Variants in PLB1 observed in about 807,000 individuals in gnomAD.
The protein encoded by PLB1 is phospholipase B1.
Under a neutral mutation model 227.4 loss-of-function variants are expected in PLB1, and 242 were observed. The ratio of observed to expected loss-of-function variants is 1.06; its 90% confidence interval spans 0.96 to 1.18. The LOEUF (loss-of-function observed/expected upper bound fraction) is 1.18. Among genes scored for constraint, PLB1 ranks in the 50% most tolerant of loss-of-function variants. The pLI, the probability that PLB1 is intolerant of heterozygous loss-of-function variation, is 0.00. For missense variants in PLB1, 1,858 were observed against 1,816.3 expected, an observed-to-expected ratio of 1.02 and a Z score of -0.42; for synonymous variants, 757 against 682.2, an observed-to-expected ratio of 1.11 and a Z score of -1.71.
intron 1 of PLB1, among the ~76,000 whole-genome samples, chr2:28,512,299 A>G (rs1044658031): frequency 6.6e-6 from 1 of 152,080 alleles, no homozygotes; most frequent in Non-Finnish European, 1.5e-5. Flanking sequence ...CATTTCAGTT[A>G]GTGTACTTCT....
At chr2:28,530,502 T>C (rs1397009603) in intron 8 of PLB1, among the ~76,000 whole-genome samples, 2 of 152,264 alleles carry the variant, frequency 1.3e-5, no homozygotes, top group African/African-American at 4.8e-5. Flanking sequence ...ATTGCTGTTA[T>C]TAATAATTAC....
At chr2:28,593,317 A>C (rs1171584964) in intron 32 of PLB1, among the ~76,000 whole-genome samples, 1 of 152,238 alleles carries the variant, frequency 6.6e-6, no homozygotes, top group Non-Finnish European at 1.5e-5. Context: ...CTCTCTCTTC[A>C]TGCTCATAAA....
At position 28,598,716 on chromosome 2, in the gene PLB1, C is replaced by T. The variant is rs780586837; in HGVS notation, c.2430C>T (p.Asp810=). ...GYAVGTGDAN[D]TNAFLNQAVP... is the part of the protein sequence containing the mutation. ...CCGTGGGCACGGGTGATGCCAATGA[C>T]ACGAATGCATTCCTCAATCAAGCTG... The change falls in exon 35 of 58, where the codon GAC becomes GAT. Residue 810 remains aspartate, a synonymous_variant. Coordinates refer to ENST00000327757, the MANE Select transcript of PLB1 (RefSeq NM_153021.5). 1.9e-6 allele frequency: 3 copies of T among 1,614,218 alleles called. No homozygotes were observed. The highest frequency in any genetic ancestry group is 2.5e-6 in the Non-Finnish European group (3 of 1,180,022).
In PLB1 at chr2:28,632,108, T is replaced by G; in HGVS notation, c.3970T>G (p.Phe1324Val). 2 of 1,614,122 alleles carry G rather than the reference T, an allele frequency of 1.2e-6. No individual in the cohort carries two copies. The highest frequency in any genetic ancestry group is 1.7e-6 in the Non-Finnish European group (2 of 1,179,958). The change falls in exon 55 of 58, where the codon TTC (phenylalanine) becomes GTC (valine). Residue 1324 changes from phenylalanine to valine, a missense_variant. Transcript: ENST00000327757. ...REDFAVVVQP[F>V]FQNTLTPLNE... Reference sequence around the variant, plus strand: ...GGACTTTGCGGTTGTGGTGCAGCCTTTCTTCCAAAACACACTCACCCCACT... The same window carrying G: ...GGACTTTGCGGTTGTGGTGCAGCCTGTCTTCCAAAACACACTCACCCCACT...
intron 18 of PLB1, among the ~76,000 whole-genome samples, chr2:28,564,505 G>A (rs752652547): frequency 3.9e-5 from 6 of 152,178 alleles, no homozygotes; most frequent in Non-Finnish European, 7.4e-5. Flanking sequence ...CCTGCCCGGC[G>A]GGGCCTGACA....
chr2:28,596,895 G>GAACAACTA (rs1683011965), intron 33 of PLB1, among the ~76,000 whole-genome samples: 1 of 152,228 alleles, frequency 6.6e-6, no homozygotes, highest in East Asian at 1.9e-4. Flanking sequence ...CTTGAATGAA[G>GAACAACTA]AACAACTATG....
At chr2:28,594,558 G>A (rs1226164404) in intron 33 of PLB1, 1 of 155,776 alleles carries the variant, frequency 6.4e-6, no homozygotes, top group African/African-American at 2.4e-5. Flanking sequence ...GCTTCCTGGG[G>A]AAGTGACAGG....
intron 1 of PLB1, among the ~76,000 whole-genome samples, chr2:28,502,017 G>A (rs1338437064): frequency 1.3e-5 from 2 of 152,112 alleles, no homozygotes; most frequent in African/African-American, 2.4e-5. Flanking sequence ...GGGTCAGAGG[G>A]TGAACACACA....
intron 21 of PLB1, among the ~76,000 whole-genome samples, chr2:28,575,634 G>C (rs1021951371): frequency 6.6e-6 from 1 of 152,114 alleles, no homozygotes; most frequent in African/African-American, 2.4e-5. Flanking sequence ...GCAGTGGCGC[G>C]ATCTCCACTC....
At chr2:28,582,041 T>A (rs1680114291) in intron 23 of PLB1, 27 bp from the exon 24 acceptor site, 1 of 1,598,936 alleles carries the variant, frequency 6.3e-7, no homozygotes, top group African/African-American at 1.3e-5. Context: ...ACAAATGGTG[T>A]TCAAGGGACA....
intron 25 of PLB1, among the ~76,000 whole-genome samples, chr2:28,584,742 A>C (rs1300294157): frequency 6.6e-6 from 1 of 152,176 alleles, no homozygotes; most frequent in African/African-American, 2.4e-5. Flanking sequence ...GTCTACACGG[A>C]GCCATCCCTG....
intron 9 of PLB1, 62 bp from the exon 10 acceptor site, chr2:28,538,257 G>T: frequency 6.2e-7 from 1 of 1,604,244 alleles, no homozygotes; most frequent in East Asian, 2.2e-5. Context: ...TGTGAGTCTG[G>T]GTGGCCTCAC....
At chr2:28,567,290 C>T (rs1379203835) in intron 20 of PLB1, among the ~76,000 whole-genome samples, 2 of 152,108 alleles carry the variant, frequency 1.3e-5, no homozygotes, top group Non-Finnish European at 2.9e-5. Context: ...ATCCAGGCAC[C>T]TGGGGCGCAG....
At chr2:28,578,591 C>T (rs915669193) in intron 22 of PLB1, among the ~76,000 whole-genome samples, 28 of 151,998 alleles carry the variant, frequency 1.8e-4, no homozygotes, top group South Asian at 8.3e-4. Flanking sequence ...ACATGGCCTA[C>T]GGGAGAGCCC....
At chr2:28,569,516 C>G (rs1677636356) in intron 20 of PLB1, among the ~76,000 whole-genome samples, 1 of 151,960 alleles carries the variant, frequency 6.6e-6, no homozygotes, top group Admixed American at 6.6e-5. Flanking sequence ...AAATGAAAAT[C>G]AAGAATGAAA....
At chr2:28,566,225 A>G (rs1676871563) in intron 19 of PLB1, among the ~76,000 whole-genome samples, 1 of 149,952 alleles carries the variant, frequency 6.7e-6, no homozygotes, top group Non-Finnish European at 1.5e-5. Flanking sequence ...AGATGCTCCT[A>G]GACACCCTTG....
intron 12 of PLB1, among the ~76,000 whole-genome samples, 191 bp downstream of exon 12, chr2:28,540,632 A>G (rs533730324): frequency 1.2e-4 from 19 of 152,212 alleles, no homozygotes; most frequent in African/African-American, 4.3e-4. Flanking sequence ...GTATTCCTGC[A>G]TATAAAATGG....
chr2:28,507,578 A>G (rs1277173360), intron 1 of PLB1, among the ~76,000 whole-genome samples: 2 of 152,186 alleles, frequency 1.3e-5, no homozygotes, highest in African/African-American at 4.8e-5. Context: ...TTTCCAACAT[A>G]TGAATTTTGG....
chr2:28,532,223 T>C, intron 9 of PLB1, 29 bp downstream of exon 9: 1 of 1,554,906 alleles, frequency 6.4e-7, no homozygotes, highest in Admixed American at 1.7e-5. Flanking sequence ...GACCAAGGGA[T>C]TACAGATGCT....
Sources: gnomAD v4.1 joint callset for allele counts (sites outside exome capture counted in the v4.1 genomes callset) on GRCh38, gnomAD v4.1.1 for gene constraint, MANE v1.5 for transcripts, NCBI Gene and HGNC (gene_info 2026-07-23, HGNC 2026-07-21) for gene names.